VCL: variants seen among roughly 807,000 people sequenced by gnomAD.
VCL encodes vinculin, also known as epididymis luminal protein 114.
VCL carries 47 observed loss-of-function variants against 125.7 expected under a neutral mutation model. The ratio of observed to expected loss-of-function variants is 0.37; its 90% CI spans 0.30 to 0.48. The LOEUF (loss-of-function observed/expected upper bound fraction) is 0.48. Ranked by LOEUF, VCL falls within the 20% of genes least tolerant of loss-of-function variation. VCL has a pLI of 0.99. For synonymous variants in VCL, 458 were observed against 514.6 expected (o/e 0.89, Z 1.49); for missense variants, 1,069 against 1,455.5 (o/e 0.73, Z 4.32).
At chr10:74,091,472 T>C (rs551393991) in intron 10 of VCL, among the ~76,000 whole-genome samples, 25 of 152,162 alleles carry the variant, frequency 1.6e-4, no homozygotes, top group African/African-American at 6.0e-4. Context: ...TTTAGAATCA[T>C]AAAGGAACTC....
chr10:74,020,110 C>T (rs993344048), intron 1 of VCL, among the ~76,000 whole-genome samples: 7 of 151,428 alleles, frequency 4.6e-5, no homozygotes, highest in Admixed American at 6.6e-5. Flanking sequence ...CAGGGGAGCA[C>T]TATGTGGTTA....
chr10:74,017,844 G>A (rs1033635488), intron 1 of VCL, among the ~76,000 whole-genome samples: 7 of 151,930 alleles, frequency 4.6e-5, no homozygotes, highest in African/African-American at 1.5e-4. Context: ...ATACCAGAGC[G>A]AGAATAGCAA....
intron 8 of VCL, among the ~76,000 whole-genome samples, chr10:74,084,674 G>A (rs370755642): frequency 1.3e-5 from 2 of 151,864 alleles, no homozygotes; most frequent in African/African-American, 2.4e-5. Flanking sequence ...GTGCAATGGC[G>A]CGATCTCGGC....
intron 2 of VCL, among the ~76,000 whole-genome samples, chr10:74,046,851 G>A (rs1349878552): frequency 2.6e-5 from 4 of 152,166 alleles, no homozygotes; most frequent in Admixed American, 1.3e-4. Context: ...TCTGAAATAT[G>A]CTATGTGCTT....
intron 2 of VCL, among the ~76,000 whole-genome samples, chr10:74,053,430 C>G (rs1841341065): frequency 6.6e-6 from 1 of 151,860 alleles, no homozygotes; most frequent in Non-Finnish European, 1.5e-5. Context: ...TTCAGTATTG[C>G]TTATTTCTGC....
rs531838076 is a variant in VCL at position 74,043,878 on chromosome 10, A to T, written c.239+725A>T. On this transcript the variant is annotated intron_variant, in intron 2 of 21. Coordinates refer to ENST00000211998, the MANE Select transcript of VCL (RefSeq NM_014000.3). ...ATCCCAGCACTTTGGGAGGCCAAGG[A>T]GGGTGGATCACCTCAGGTCAGGAGA... Among the ~76,000 whole-genome samples the T allele has an allele frequency of 4.0e-5, 6 of 151,068 alleles. No homozygotes were observed. In the East Asian group the frequency reaches 1.2e-3, roughly 30 times the overall value.
intron 14 of VCL, 129 bp from the exon 15 acceptor site, chr10:74,103,691 C>A: frequency 1.2e-6 from 1 of 844,250 alleles, no homozygotes; most frequent in Non-Finnish European, 2.0e-6. Flanking sequence ...TGTATTCAGC[C>A]TGAAAAGAGA....
intron 21 of VCL, among the ~76,000 whole-genome samples, chr10:74,116,854 G>A (rs1003910715): frequency 1.3e-5 from 2 of 152,264 alleles, no homozygotes; most frequent in African/African-American, 4.8e-5. Context: ...AGGAATTCCA[G>A]CCCACAGTTA....
At chr10:74,080,430 A>G (rs955287618) in intron 6 of VCL, among the ~76,000 whole-genome samples, 4 of 152,202 alleles carry the variant, frequency 2.6e-5, no homozygotes, top group Non-Finnish European at 4.4e-5. Flanking sequence ...TTTAAATGAC[A>G]TTTAAATTTG....
At chr10:74,051,305 C>T (rs187754511) in intron 2 of VCL, among the ~76,000 whole-genome samples, 33 of 151,394 alleles carry the variant, frequency 2.2e-4, no homozygotes, top group African/African-American at 7.3e-4. Context: ...GGTGTGATCT[C>T]GGCTCACTGC....
At chr10:74,079,117 T>C (rs1398828279) in intron 6 of VCL, among the ~76,000 whole-genome samples, 2 of 152,186 alleles carry the variant, frequency 1.3e-5, no homozygotes, top group Admixed American at 1.3e-4. Flanking sequence ...CACGTACAAA[T>C]GGTTTAGCTT....
At chr10:74,005,720 A>ATTT (rs1245954693) in intron 1 of VCL, among the ~76,000 whole-genome samples, 2 of 152,196 alleles carry the variant, frequency 1.3e-5, no homozygotes, top group Non-Finnish European at 2.9e-5. Context: ...AGTTACTTAC[A>ATTT]TAAAGTGGCA....
At chr10:74,042,328 A>T (rs560786898) in intron 1 of VCL, among the ~76,000 whole-genome samples, 11 of 152,314 alleles carry the variant, frequency 7.2e-5, no homozygotes, top group African/African-American at 2.4e-4. Flanking sequence ...CTTAGTGAAT[A>T]CTTTTGTGAA....
At chr10:74,024,993 C>G (rs954482992) in intron 1 of VCL, among the ~76,000 whole-genome samples, 7 of 152,142 alleles carry the variant, frequency 4.6e-5, no homozygotes, top group Non-Finnish European at 1.0e-4. Context: ...AAATATTAGA[C>G]ATAATTGAAT....
At chr10:74,007,098 G>A (rs535434973) in intron 1 of VCL, among the ~76,000 whole-genome samples, 2 of 152,190 alleles carry the variant, frequency 1.3e-5, no homozygotes, top group South Asian at 4.2e-4. Context: ...GAGTAGTTGG[G>A]ACTACAGGCT....
chr10:74,078,976 G>A (rs1280397838), intron 6 of VCL, among the ~76,000 whole-genome samples: 1 of 152,072 alleles, frequency 6.6e-6, no homozygotes, highest in Non-Finnish European at 1.5e-5. Flanking sequence ...CAAGAGCCTA[G>A]GATTGCAGGA....
At chr10:74,023,774 A>G (rs1040930195) in intron 1 of VCL, among the ~76,000 whole-genome samples, 5 of 152,240 alleles carry the variant, frequency 3.3e-5, no homozygotes, top group Non-Finnish European at 7.3e-5. Flanking sequence ...ATGTTCTATG[A>G]AGAGCAGTGA....
intron 8 of VCL, among the ~76,000 whole-genome samples, chr10:74,087,902 T>C (rs182238522): frequency 2.2e-4 from 33 of 152,228 alleles, no homozygotes; most frequent in African/African-American, 7.2e-4. Context: ...CTTGAACTAC[T>C]TGAGAGGCTG....
At chr10:74,026,547 T>A (rs1840775999) in intron 1 of VCL, among the ~76,000 whole-genome samples, 1 of 152,222 alleles carries the variant, frequency 6.6e-6, no homozygotes, top group South Asian at 2.1e-4. Flanking sequence ...AAAAATAATT[T>A]TTTTTTTGAA....
Sources: gnomAD v4.1 joint callset for allele counts (sites outside exome capture counted in the v4.1 genomes callset) on GRCh38, gnomAD v4.1.1 for gene constraint, MANE v1.5 for transcripts, NCBI Gene and HGNC (gene_info 2026-07-23, HGNC 2026-07-21) for gene names.